Variants in FBXL17 observed in about 807,000 individuals in gnomAD.
FBXL17 encodes the protein F-box and leucine rich repeat protein 17, also known as F-box/LRR-repeat protein 17.
In FBXL17, 22 loss-of-function variants were observed where a neutral mutation model predicts 66.2. The ratio of observed to expected loss-of-function variants is 0.33; its 90% CI spans 0.24 to 0.47. The LOEUF (loss-of-function observed/expected upper bound fraction) is 0.47. FBXL17 is among the 20% of genes least tolerant of loss of function. FBXL17 has a pLI of 1.00. For synonymous variants in FBXL17, 474 were observed against 400.5 expected, an observed-to-expected ratio of 1.18 and a Z score of -2.19; for missense variants, 878 against 948.2, an observed-to-expected ratio of 0.93 and a Z score of 0.97.
intron 5 of FBXL17, among the ~76,000 whole-genome samples, chr5:108,222,671 T>C (rs1300556606): frequency 9.4e-6 from 1 of 106,398 alleles, no homozygotes; most frequent in Non-Finnish European, 1.9e-5. Context: ...TACTATGGCA[T>C]CTTTTTTTTT....
chr5:108,136,982 A>G (rs1751160225), intron 6 of FBXL17, among the ~76,000 whole-genome samples: 1 of 152,192 alleles, frequency 6.6e-6, no homozygotes, highest in African/African-American at 2.4e-5. Flanking sequence ...AAATTCCAAG[A>G]AACTCATTTT....
rs1386189900 is a variant in FBXL17, at chr5:108,316,473, C to G, written c.1506+31926G>C. 5.3e-5 allele frequency among the ~76,000 whole-genome samples: 8 copies of G among 151,500 alleles called. No homozygotes were observed. In the East Asian group the frequency reaches 1.5e-3, roughly 29 times the overall value. ...CTTTTAAAACACAAGTGCTAGCCAA[C>G]ATTGTACAGAACCTTAACACGGCAG... On this transcript the variant is annotated intron_variant, in intron 4 of 8. Coordinates refer to ENST00000542267, the MANE Select transcript of FBXL17 (RefSeq NM_001163315.3).
intron 1 of FBXL17, among the ~76,000 whole-genome samples, chr5:108,378,558 T>G (rs1411736106): frequency 6.6e-6 from 1 of 152,180 alleles, no homozygotes; most frequent in Non-Finnish European, 1.5e-5. Context: ...TCTTCCCTTC[T>G]CCAAGTCAAA....
chr5:107,900,980 G>A (rs1749554622), intron 7 of FBXL17, among the ~76,000 whole-genome samples: 1 of 152,104 alleles, frequency 6.6e-6, no homozygotes, highest in Admixed American at 6.5e-5. Flanking sequence ...ATAATGGAGG[G>A]CTTATCAACT....
chr5:107,925,423 C>G (rs1750494078), intron 7 of FBXL17, among the ~76,000 whole-genome samples: 1 of 152,144 alleles, frequency 6.6e-6, no homozygotes, highest in Admixed American at 6.6e-5. Context: ...CTTCAACGAT[C>G]ACTGTTTGTG....
chr5:108,130,358 G>A (rs1750882521), intron 6 of FBXL17, among the ~76,000 whole-genome samples: 1 of 151,878 alleles, frequency 6.6e-6, no homozygotes, highest in Non-Finnish European at 1.5e-5. Flanking sequence ...CTCTGAGTGG[G>A]AGTGGAAAAT....
At chr5:107,933,041 T>C (rs75506922) in intron 7 of FBXL17, among the ~76,000 whole-genome samples, 1 of 152,132 alleles carries the variant, frequency 6.6e-6, no homozygotes, top group African/African-American at 2.4e-5. Context: ...GAAAGGAATT[T>C]TGAGGTCCAG....
intron 7 of FBXL17, among the ~76,000 whole-genome samples, chr5:107,989,485 T>C (rs10900901): frequency 0.34 from 52,327 of 152,096 alleles, 9,650 homozygotes; most frequent in African/African-American, 0.49. Context: ...TTCTTTTTTA[T>C]GGCTGAATAA....
At chr5:108,150,616 C>T (rs976263148) in intron 6 of FBXL17, among the ~76,000 whole-genome samples, 1 of 152,184 alleles carries the variant, frequency 6.6e-6, no homozygotes, top group African/African-American at 2.4e-5. Flanking sequence ...ATCACAATGA[C>T]AATTTTGAAG....
chr5:108,315,999 A>G (rs1355376533), intron 4 of FBXL17, among the ~76,000 whole-genome samples: 1 of 151,504 alleles, frequency 6.6e-6, no homozygotes, highest in East Asian at 1.9e-4. Context: ...GCAAATGCAC[A>G]TACCTTGATG....
intron 6 of FBXL17, among the ~76,000 whole-genome samples, chr5:108,096,815 G>T (rs764054213): frequency 6.6e-6 from 1 of 152,166 alleles, no homozygotes; most frequent in African/African-American, 2.4e-5. Flanking sequence ...CATAAGAATG[G>T]ATGAAAGGCA....
intron 7 of FBXL17, among the ~76,000 whole-genome samples, chr5:107,884,681 G>A (rs934735517): frequency 7.2e-5 from 11 of 152,118 alleles, no homozygotes; most frequent in African/African-American, 2.4e-4. Context: ...TCTCAAGTTC[G>A]GTTCTAGCCT....
At chr5:108,136,751 CTAT>C (rs996646898) in intron 6 of FBXL17, among the ~76,000 whole-genome samples, 2 of 152,032 alleles carry the variant, frequency 1.3e-5, no homozygotes, top group African/African-American at 4.8e-5. Flanking sequence ...CTGTGAGTGG[CTAT>C]TATAAGGAAT....
chr5:107,865,688 A>T (rs1459769777), intron 8 of FBXL17, among the ~76,000 whole-genome samples: 1 of 152,200 alleles, frequency 6.6e-6, no homozygotes, highest in East Asian at 1.9e-4. Flanking sequence ...CTAGGAAACA[A>T]AGCAGTGGGG....
At chr5:108,135,548 T>G (rs1751100901) in intron 6 of FBXL17, among the ~76,000 whole-genome samples, 3 of 152,124 alleles carry the variant, frequency 2.0e-5, no homozygotes. Flanking sequence ...AATCTAGATT[T>G]TTGTGTCTAT....
At chr5:107,924,338 A>G (rs1297548046) in intron 7 of FBXL17, among the ~76,000 whole-genome samples, 1 of 152,206 alleles carries the variant, frequency 6.6e-6, no homozygotes, top group Non-Finnish European at 1.5e-5. Context: ...GCTTCATGGC[A>G]GAGAGCCATA....
rs74390419 is a variant in FBXL17 at position 108,194,010 on chromosome 5, A to G, written c.1615-7763T>C. Among the ~76,000 whole-genome samples, 27 of 152,124 alleles carry G rather than the reference A, an allele frequency of 1.8e-4. No homozygotes were observed. The East Asian group carries it at 5.2e-3, about 29-fold the overall frequency. ...CCTTCTAACTCCTTTTTGCCACATC[A>G]CTAGCCAGATTAATCTTCTTGAAAC... is the stretch of plus-strand genomic sequence containing the variant. On this transcript the variant is annotated intron_variant, in intron 5 of 8. Coordinates refer to ENST00000542267, the MANE Select transcript of FBXL17 (RefSeq NM_001163315.3).
intron 3 of FBXL17, among the ~76,000 whole-genome samples, chr5:108,362,502 T>C (rs1036585809): frequency 6.6e-6 from 1 of 152,158 alleles, no homozygotes; most frequent in African/African-American, 2.4e-5. Flanking sequence ...TACATGATTG[T>C]AGTTTTAAAA....
chr5:108,076,138 G>A (rs1228994493), intron 6 of FBXL17, among the ~76,000 whole-genome samples: 4 of 152,220 alleles, frequency 2.6e-5, no homozygotes, highest in Non-Finnish European at 4.4e-5. Context: ...TAAGGTCACA[G>A]TATTGTTGTG....
Sources: allele counts gnomAD v4.1 joint callset (sites outside exome capture counted in the v4.1 genomes callset), GRCh38; gene constraint gnomAD v4.1.1; transcripts MANE v1.5; gene names NCBI Gene and HGNC (gene_info 2026-07-23, HGNC 2026-07-21).